ADAMTSL1: variants seen among roughly 807,000 people sequenced by gnomAD.
ADAMTSL1 encodes the protein ADAMTS like 1, also known as ADAMTS-like protein 1.
In ADAMTSL1, 126 loss-of-function variants were observed where a neutral mutation model predicts 201.8. The observed-to-expected ratio is 0.62, with a 90% CI of 0.54 to 0.72. The LOEUF is 0.72. ADAMTSL1 is among the 30% of genes least tolerant of loss of function. The probability of loss-of-function intolerance (pLI) is 0.00; values close to 1 mark genes in which losing one functional copy is unlikely to be tolerated. For missense variants in ADAMTSL1, 2,679 were observed against 2,277.8 expected (o/e 1.18, Z -3.59); for synonymous variants, 1,121 against 903.4 (o/e 1.24, Z -4.32).
rs1001266077 is a variant in ADAMTSL1 at position 18,280,568 on chromosome 9, C to G, written c.207+116587C>G. 2.0e-5 allele frequency among the ~76,000 whole-genome samples: 3 copies of G among 152,166 alleles called. No homozygotes were observed. In the South Asian group the frequency reaches 6.2e-4, roughly 32 times the overall value. On this transcript the variant is annotated intron_variant, in intron 2 of 29. Transcript: ENST00000680146. ...TATTTTGGCAGAGTAGGAGGTTAAG[C>G]CTTCTTTAATTTATCTGAGAAATGA...
chr9:18,517,316 A>T (rs983309891), intron 2 of ADAMTSL1, among the ~76,000 whole-genome samples: 3 of 152,174 alleles, frequency 2.0e-5, no homozygotes, highest in Admixed American at 6.5e-5. Context: ...CTTATAATAA[A>T]TATATGAAAA....
intron 1 of ADAMTSL1, among the ~76,000 whole-genome samples, chr9:18,006,038 A>G (rs1563945233): frequency 6.6e-6 from 1 of 151,922 alleles, no homozygotes; most frequent in Non-Finnish European, 1.5e-5. Flanking sequence ...CACCATATAT[A>G]TTCGGTGACT....
intron 1 of ADAMTSL1, among the ~76,000 whole-genome samples, chr9:18,039,805 A>G (rs918758579): frequency 1.3e-5 from 2 of 152,192 alleles, no homozygotes; most frequent in African/African-American, 4.8e-5. Flanking sequence ...TTTAAAAATT[A>G]TTATTTAGTC....
upstream of ADAMTSL1, among the ~76,000 whole-genome samples, chr9:18,473,036 C>T (rs746338150): frequency 2.6e-5 from 4 of 152,164 alleles, no homozygotes; most frequent in Admixed American, 6.5e-5. Context: ...TGTTGCTGGC[C>T]TTGTCGTCAT....
chr9:18,008,985 G>C (rs1337888562), intron 1 of ADAMTSL1, among the ~76,000 whole-genome samples: 6 of 151,948 alleles, frequency 3.9e-5, no homozygotes, highest in Non-Finnish European at 8.8e-5. Context: ...GACTGGACAT[G>C]GGTGAGCAGC....
intron 1 of ADAMTSL1, among the ~76,000 whole-genome samples, chr9:18,069,242 T>C (rs964936287): frequency 1.3e-5 from 2 of 152,222 alleles, no homozygotes; most frequent in African/African-American, 4.8e-5. Context: ...TTATGACATG[T>C]TGAAATGATA....
intron 2 of ADAMTSL1, among the ~76,000 whole-genome samples, chr9:18,190,701 T>G (rs1441374210): frequency 6.6e-6 from 1 of 152,194 alleles, no homozygotes; most frequent in East Asian, 1.9e-4. Context: ...ACTAAAATAA[T>G]TATTGCATAT....
intron 3 of ADAMTSL1, among the ~76,000 whole-genome samples, chr9:18,537,633 T>G (rs1449934878): frequency 6.7e-6 from 1 of 149,748 alleles, no homozygotes; most frequent in South Asian, 2.1e-4. Context: ...GTTTTGGGGG[T>G]GGAGGGGTGA....
chr9:17,979,988 T>C (rs1486062821), intron 1 of ADAMTSL1, among the ~76,000 whole-genome samples: 1 of 152,142 alleles, frequency 6.6e-6, no homozygotes, highest in African/African-American at 2.4e-5. Context: ...CAGCTTGGCA[T>C]TGAAATTCAA....
chr9:18,736,542 G>C (rs1818509785), intron 15 of ADAMTSL1, among the ~76,000 whole-genome samples: 1 of 152,140 alleles, frequency 6.6e-6, no homozygotes, highest in South Asian at 2.1e-4. Flanking sequence ...CCTTGATCTA[G>C]AAAAGAAAAA....
intron 2 of ADAMTSL1, among the ~76,000 whole-genome samples, chr9:18,249,311 T>C (rs999369002): frequency 6.6e-6 from 1 of 152,224 alleles, no homozygotes; most frequent in Non-Finnish European, 1.5e-5. Flanking sequence ...AGCATATAAA[T>C]GCATTTTTAA....
chr9:17,930,638 A>C (rs1026460995), intron 1 of ADAMTSL1, among the ~76,000 whole-genome samples: 8 of 152,200 alleles, frequency 5.3e-5, no homozygotes, highest in African/African-American at 9.7e-5. Context: ...TTTCAAGAAT[A>C]TAGAAACCCT....
intron 19 of ADAMTSL1, among the ~76,000 whole-genome samples, chr9:18,786,563 C>A (rs72690557): frequency 6.6e-6 from 1 of 152,094 alleles, no homozygotes; most frequent in East Asian, 1.9e-4. Flanking sequence ...ATGTCTGTAA[C>A]GTGCCTGACA....
intron 14 of ADAMTSL1, among the ~76,000 whole-genome samples, chr9:18,712,853 G>A: frequency 6.7e-6 from 1 of 149,104 alleles, no homozygotes; most frequent in South Asian, 2.2e-4. Context: ...CAGAGAGAAA[G>A]GTCGGGTTAC....
chr9:18,306,210 G>A (rs1833903208), intron 2 of ADAMTSL1, among the ~76,000 whole-genome samples: 1 of 152,138 alleles, frequency 6.6e-6, no homozygotes, highest in South Asian at 2.1e-4. Context: ...AAAGACCAAA[G>A]GAAGATAAAT....
chr9:18,238,313 A>G (rs1830926708), intron 2 of ADAMTSL1, among the ~76,000 whole-genome samples: 1 of 151,760 alleles, frequency 6.6e-6, no homozygotes, highest in African/African-American at 2.4e-5. Context: ...CAGTGACTCC[A>G]TCCATTGTTT....
chr9:18,114,769 G>A (rs1384978687), intron 1 of ADAMTSL1, among the ~76,000 whole-genome samples: 3 of 152,148 alleles, frequency 2.0e-5, no homozygotes, highest in African/African-American at 7.2e-5. Context: ...TAGAGTGTAA[G>A]TGGAATGACT....
At chr9:17,973,339 G>A (rs1249536947) in intron 1 of ADAMTSL1, among the ~76,000 whole-genome samples, 1 of 115,536 alleles carries the variant, frequency 8.7e-6, no homozygotes, top group Admixed American at 1.0e-4. Flanking sequence ...ATTAATTTTT[G>A]TATAAGGTGT....
chr9:18,821,974 G>C (rs1824238018), intron 21 of ADAMTSL1, among the ~76,000 whole-genome samples: 1 of 152,182 alleles, frequency 6.6e-6, no homozygotes, highest in Admixed American at 6.5e-5. Context: ...ATCATATCAA[G>C]TTACCACCCA....
Sources: allele counts gnomAD v4.1 joint callset (sites outside exome capture counted in the v4.1 genomes callset), GRCh38; gene constraint gnomAD v4.1.1; transcripts MANE v1.5; gene names NCBI Gene and HGNC (gene_info 2026-07-23, HGNC 2026-07-21).